The following MAD1L1 variants were observed in gnomAD, a reference collection of about 807,000 sequenced individuals.
The protein encoded by MAD1L1 is mitotic spindle assembly checkpoint protein MAD1.
In MAD1L1, 95 loss-of-function variants were observed where a neutral mutation model predicts 96.9. The observed-to-expected ratio is 0.98, with a 90% confidence interval of 0.83 to 1.16. The LOEUF (loss-of-function observed/expected upper bound fraction) is 1.16, where lower values mean the gene tolerates loss of function less well. Among genes scored for constraint, MAD1L1 ranks in the 50% most tolerant of loss-of-function variants. MAD1L1 has a pLI of 0.00. For synonymous variants in MAD1L1, 473 were observed against 396.6 expected (o/e 1.19, Z -2.29); for missense variants, 1,007 against 954.4 (o/e 1.06, Z -0.73).
chr7:2,094,430 G>A lies in MAD1L1; in HGVS notation c.1074-25092C>T, dbSNP rs143040615. Among the ~76,000 whole-genome samples the A allele has an allele frequency of 1.0e-3, 152 of 152,314 alleles. No individual in the cohort carries two copies. The Middle Eastern group carries it at 0.01, about 10-fold the overall frequency. On this transcript the variant is annotated intron_variant, in intron 11 of 18. Coordinates refer to ENST00000265854, the MANE Select transcript of MAD1L1 (RefSeq NM_001013836.2). ...GCGCTACCCTTCAAGTGACAAGACG[G>A]ATGAGAAATAAGACACAAAAAACCA...
chr7:2,028,641 CAG>C (rs1783088447), intron 12 of MAD1L1, among the ~76,000 whole-genome samples: 1 of 152,028 alleles, frequency 6.6e-6, no homozygotes, highest in Non-Finnish European at 1.5e-5. Flanking sequence ...TGCAGACAAG[CAG>C]AGAGGGCCAC....
At chr7:1,966,826 C>T (rs1006984483) in intron 15 of MAD1L1, among the ~76,000 whole-genome samples, 5 of 152,234 alleles carry the variant, frequency 3.3e-5, no homozygotes, top group South Asian at 2.1e-4. Context: ...GCGAGGGCCG[C>T]GGGCCGCGCT....
intron 11 of MAD1L1, among the ~76,000 whole-genome samples, chr7:2,131,086 A>G (rs1272274141): frequency 6.6e-6 from 1 of 152,120 alleles, no homozygotes; most frequent in Non-Finnish European, 1.5e-5. Flanking sequence ...TTTAAACTAG[A>G]TTCGGACGCT....
At chr7:2,176,444 C>T (rs531588047) in intron 10 of MAD1L1, among the ~76,000 whole-genome samples, 2 of 152,310 alleles carry the variant, frequency 1.3e-5, no homozygotes, top group South Asian at 2.1e-4. Flanking sequence ...TGCTATTTCA[C>T]GTCGTACCAG....
In MAD1L1 at chr7:2,165,213, AAG is replaced by A. The variant is rs544824766; in HGVS notation, c.987-15977_987-15976del. 2.2e-3 allele frequency among the ~76,000 whole-genome samples: 330 copies of A among 152,068 alleles called. 2 individuals carry two copies. Among genetic ancestry groups the A allele is most frequent in the African/African-American group, 7.4e-3 (306 of 41,410 alleles). ...AGTGAGACTCCATCTCAAAAAAAAA[AAG>A]AAAAAGAAAAAAAATAGAAAGGGAA... On this transcript the variant is annotated intron_variant, in intron 10 of 18. Transcript: ENST00000265854.
chr7:2,180,361 T>A (rs1584493433), intron 10 of MAD1L1, among the ~76,000 whole-genome samples: 1 of 152,238 alleles, frequency 6.6e-6, no homozygotes, highest in Non-Finnish European at 1.5e-5. Flanking sequence ...GTTCTAGGTA[T>A]CTCAGGAAAT....
At chr7:1,938,573 A>G (rs368791994) in intron 16 of MAD1L1, among the ~76,000 whole-genome samples, 1 of 152,150 alleles carries the variant, frequency 6.6e-6, no homozygotes, top group African/African-American at 2.4e-5. Context: ...AACCAAGGGC[A>G]TGTCAGAAAT....
intron 11 of MAD1L1, among the ~76,000 whole-genome samples, chr7:2,139,861 C>T (rs1584411610): frequency 6.6e-6 from 1 of 152,170 alleles, no homozygotes; most frequent in Non-Finnish European, 1.5e-5. Context: ...CAATTTTATG[C>T]CTAAAAATAT....
At chr7:2,023,835 G>C (rs1782885977) in intron 12 of MAD1L1, among the ~76,000 whole-genome samples, 1 of 152,062 alleles carries the variant, frequency 6.6e-6, no homozygotes, top group African/African-American at 2.4e-5. Flanking sequence ...TGTAATCCCA[G>C]CTACTTGGAA....
intron 17 of MAD1L1, among the ~76,000 whole-genome samples, chr7:1,917,821 G>A (rs1206203160): frequency 6.6e-6 from 1 of 152,130 alleles, no homozygotes; most frequent in Non-Finnish European, 1.5e-5. Flanking sequence ...GGAAGGGTGG[G>A]GCCACCTGGC....
At chr7:1,878,572 T>TAAA (rs34728278) in intron 18 of MAD1L1, among the ~76,000 whole-genome samples, 1,561 of 148,202 alleles carry the variant, frequency 0.011, 21 homozygotes, top group African/African-American at 0.034. Flanking sequence ...TCAATAGATG[T>TAAA]AAAAAAAAAA....
chr7:2,161,094 G>A (rs78469080), intron 10 of MAD1L1, among the ~76,000 whole-genome samples: 30,005 of 66,284 alleles, frequency 0.45, 4,587 homozygotes, highest in Non-Finnish European at 0.5. Flanking sequence ...TCATCAAGAC[G>A]ATAATGGAGC....
intron 14 of MAD1L1, among the ~76,000 whole-genome samples, chr7:1,988,170 G>A (rs1198795388): frequency 6.6e-6 from 1 of 152,360 alleles, no homozygotes; most frequent in South Asian, 2.1e-4. Flanking sequence ...CAGGAAGAGG[G>A]CGCTGGGGAC....
chr7:2,106,393 C>T (rs1465354606), intron 11 of MAD1L1, among the ~76,000 whole-genome samples: 5 of 151,570 alleles, frequency 3.3e-5, no homozygotes, highest in East Asian at 2.0e-4. Context: ...TCCCTGGAGA[C>T]GGCCATGGTC....
intron 11 of MAD1L1, among the ~76,000 whole-genome samples, chr7:2,097,483 C>T (rs1213808400): frequency 6.6e-6 from 1 of 152,206 alleles, no homozygotes; most frequent in African/African-American, 2.4e-5. Context: ...CAGTCCACAC[C>T]ACTGAGAAAG....
intron 15 of MAD1L1, among the ~76,000 whole-genome samples, chr7:1,974,639 A>G (rs544133212): frequency 3.9e-5 from 6 of 152,394 alleles, no homozygotes; most frequent in African/African-American, 9.6e-5. Context: ...AAAAAGATTT[A>G]AGAGAGAGAA....
intron 12 of MAD1L1, among the ~76,000 whole-genome samples, chr7:2,059,787 G>A (rs1221016082): frequency 1.3e-5 from 2 of 152,110 alleles, no homozygotes; most frequent in African/African-American, 2.4e-5. Flanking sequence ...ACCAGCATCA[G>A]AGCAAGGTTG....
At chr7:1,843,947 A>G (rs1783432237) in intron 18 of MAD1L1, among the ~76,000 whole-genome samples, 1 of 152,136 alleles carries the variant, frequency 6.6e-6, no homozygotes, top group Non-Finnish European at 1.5e-5. Context: ...GGGAGGGGAC[A>G]CTCAGAAGTT....
chr7:1,838,782 G>A, intron 18 of MAD1L1: 2 of 471,256 alleles, frequency 4.2e-6, no homozygotes, highest in Non-Finnish European at 8.8e-6. Context: ...CAATCAAGCT[G>A]CTTCATGAGA....
Sources: allele counts gnomAD v4.1 joint callset (sites outside exome capture counted in the v4.1 genomes callset), GRCh38; gene constraint gnomAD v4.1.1; transcripts MANE v1.5; gene names NCBI Gene and HGNC (gene_info 2026-07-23, HGNC 2026-07-21).